GALK2: variants seen among roughly 807,000 people sequenced by gnomAD.
The protein encoded by GALK2 is galactokinase 2, also known as N-acetylgalactosamine kinase.
Under a neutral mutation model 52.4 loss-of-function variants are expected in GALK2, and 36 were observed. The ratio of observed to expected loss-of-function variants is 0.69; its 90% CI spans 0.53 to 0.91. The LOEUF (loss-of-function observed/expected upper bound fraction) is 0.91. Among genes scored for constraint, GALK2 ranks in the 40% least tolerant of loss-of-function variants. The pLI is 0.00. For missense variants in GALK2, 579 were observed against 559.1 expected (o/e 1.04, Z -0.36); for synonymous variants, 176 against 199.1 (o/e 0.88, Z 0.98).
chr15:49,156,043 G>C, intron 1 of GALK2: 1 of 1,613,418 alleles, frequency 6.2e-7, no homozygotes. Flanking sequence ...CATTGTACGT[G>C]TGCATTTAGC....
intron 3 of GALK2, among the ~76,000 whole-genome samples, chr15:49,219,787 G>T (rs1015560674): frequency 5.3e-5 from 8 of 152,098 alleles, no homozygotes; most frequent in African/African-American, 1.9e-4. Context: ...CTCCAGCCAG[G>T]GTGACAGAGC....
At chr15:49,172,544 AAAAT>A (rs2085172477) in intron 1 of GALK2, among the ~76,000 whole-genome samples, 1 of 152,236 alleles carries the variant, frequency 6.6e-6, no homozygotes, top group African/African-American at 2.4e-5. Flanking sequence ...AGAAGGAAAA[AAAAT>A]GAATGAATGG....
At chr15:49,156,164 T>C in intron 1 of GALK2, 1 of 750,494 alleles carries the variant, frequency 1.3e-6, no homozygotes, top group East Asian at 2.6e-5. Flanking sequence ...ATGGATATCC[T>C]AAATTAGGTA....
In GALK2 at chr15:49,328,803, T is replaced by C. The variant is rs987805812; in HGVS notation, c.*644T>C. The C allele has an allele frequency of 2.1e-6, 3 of 1,421,124 alleles. No individual in the cohort carries two copies. Among genetic ancestry groups the C allele is most frequent in the Non-Finnish European group, 2.8e-6 (3 of 1,089,012 alleles). 88.0% of individuals were successfully genotyped at this position (1,421,124 alleles called of 1,614,324 possible). On this transcript the variant is annotated 3_prime_UTR_variant, in exon 10 of 10. Coordinates refer to ENST00000560031, the MANE Select transcript of GALK2 (RefSeq NM_002044.4). ...TTTTTTTTTTTTGACAAAAGGAGGA[T>C]ACAGGAAGAAAATTCAGACTCATTT...
chr15:49,321,548 CTAAAAGCCACATTT>C (rs986565063), intron 9 of GALK2, among the ~76,000 whole-genome samples: 1 of 152,158 alleles, frequency 6.6e-6, no homozygotes, highest in Middle Eastern at 3.2e-3. Flanking sequence ...CCTTGTGCCT[CTAAAAGCCACATTT>C]TTGAAAAGCA....
At chr15:49,278,092 C>T (rs1338018005) in intron 5 of GALK2, among the ~76,000 whole-genome samples, 4 of 151,956 alleles carry the variant, frequency 2.6e-5, no homozygotes, top group Non-Finnish European at 5.9e-5. Flanking sequence ...GAAACCCCGT[C>T]TCTACTAAAA....
At position 49,177,413 on chromosome 15, in the gene GALK2, A is replaced by G. The variant is rs1216689930; in HGVS notation, c.53+7038A>G. On this transcript the variant is annotated intron_variant, in intron 1 of 9. Coordinates refer to ENST00000560031, the MANE Select transcript of GALK2 (RefSeq NM_002044.4). ...AGATAAAGCAAAGACAAAAAAGTTT[A>G]TCTTACTAGAAACAAGAGACATCAT... 5.3e-5 allele frequency among the ~76,000 whole-genome samples: 8 copies of G among 152,254 alleles called. No individual in the cohort carries two copies. In the East Asian group the frequency reaches 1.5e-3, roughly 29 times the overall value.
At chr15:49,257,657 A>G (rs942808664) in intron 5 of GALK2, among the ~76,000 whole-genome samples, 7 of 152,124 alleles carry the variant, frequency 4.6e-5, no homozygotes, top group African/African-American at 1.4e-4. Flanking sequence ...ACTGAACACA[A>G]TGGCAGTGAG....
At chr15:49,320,536 A>T (rs570007768) in intron 9 of GALK2, among the ~76,000 whole-genome samples, 2 of 152,356 alleles carry the variant, frequency 1.3e-5, no homozygotes, top group African/African-American at 4.8e-5. Context: ...CAAACGCTAG[A>T]TGTTACTTCA....
intron 7 of GALK2, among the ~76,000 whole-genome samples, chr15:49,286,555 A>G (rs952787975): frequency 1.2e-4 from 18 of 152,206 alleles, no homozygotes; most frequent in Non-Finnish European, 4.4e-5. Flanking sequence ...TTTGGGGGGC[A>G]TACATTTTTT....
At chr15:49,303,428 C>G (rs998528194) in intron 8 of GALK2, among the ~76,000 whole-genome samples, 1 of 152,190 alleles carries the variant, frequency 6.6e-6, no homozygotes, top group Non-Finnish European at 1.5e-5. Flanking sequence ...TAGGTCAGTA[C>G]TCACAGTGTG....
intron 4 of GALK2, among the ~76,000 whole-genome samples, chr15:49,238,030 GGACA>G (rs2090918540): frequency 6.6e-6 from 1 of 152,046 alleles, no homozygotes; most frequent in Admixed American, 6.6e-5. Flanking sequence ...TTGCTAGCTA[GGACA>G]GACAGACAAA....
intron 3 of GALK2, among the ~76,000 whole-genome samples, chr15:49,354,860 G>C (rs1232702603): frequency 6.6e-6 from 1 of 151,960 alleles, no homozygotes; most frequent in Admixed American, 6.6e-5. Context: ...TTTGAAGAGA[G>C]CAGTGGTTCT....
chr15:49,202,529 G>C (rs1227493557), intron 2 of GALK2, among the ~76,000 whole-genome samples: 1 of 152,126 alleles, frequency 6.6e-6, no homozygotes, highest in African/African-American at 2.4e-5. Flanking sequence ...TGAATAACAG[G>C]ATTTCACTCT....
At chr15:49,276,970 C>CTTTTTTT (rs1233754984) in intron 5 of GALK2, among the ~76,000 whole-genome samples, 40 of 28,324 alleles carry the variant, frequency 1.4e-3, no homozygotes, top group African/African-American at 3.1e-3. Flanking sequence ...TTTTTCTTTT[C>CTTTTTTT]TTTTTTTTTT....
Position 49,239,355 on chromosome 15 carries a change from G to A in GALK2, c.492G>A (p.Arg164=), listed in dbSNP as rs1165679935. 3 of 1,613,850 alleles carry A rather than the reference G, an allele frequency of 1.9e-6. No homozygotes were observed. The highest frequency in any genetic ancestry group is 2.5e-6 in the Non-Finnish European group (3 of 1,179,944). ...AGLVTLTVLG[R]NLSKVELAEI... ...TGGTGACGCTCACAGTGCTGGGAAG[G>A]AATCTATCCAAGGTAACTACCTTTG... is the stretch of plus-strand genomic sequence containing the variant. Residue 164 remains arginine, a synonymous_variant, in exon 5 of 10, where the codon AGG becomes AGA. Coordinates refer to ENST00000560031, the MANE Select transcript of GALK2 (RefSeq NM_002044.4).
intron 3 of GALK2, among the ~76,000 whole-genome samples, chr15:49,355,348 T>A (rs2042961774): frequency 6.6e-6 from 1 of 152,078 alleles, no homozygotes. Flanking sequence ...TTGAAAAAAA[T>A]TTAGCAGTAT....
At chr15:49,312,844 A>C (rs2036105984) in intron 8 of GALK2, among the ~76,000 whole-genome samples, 1 of 152,240 alleles carries the variant, frequency 6.6e-6, no homozygotes, top group Non-Finnish European at 1.5e-5. Flanking sequence ...ACAGGAAGAC[A>C]GATTATAATT....
chr15:49,228,507 T>C (rs2090267974), intron 3 of GALK2, among the ~76,000 whole-genome samples: 1 of 150,366 alleles, frequency 6.7e-6, no homozygotes. Flanking sequence ...TAGTTTATTG[T>C]TGAGGCTTTC....
Sources: allele counts gnomAD v4.1 joint callset (sites outside exome capture counted in the v4.1 genomes callset), GRCh38; gene constraint gnomAD v4.1.1; transcripts MANE v1.5; gene names NCBI Gene and HGNC (gene_info 2026-07-23, HGNC 2026-07-21).